Variants in MTDH observed in about 807,000 individuals in gnomAD.
The protein encoded by MTDH is metadherin.
In MTDH, 34 loss-of-function variants were observed where a neutral mutation model predicts 72.7. That is an observed-to-expected ratio of 0.47 (90% CI 0.36 to 0.62). The LOEUF is 0.62. MTDH is among the 20% of genes least tolerant of loss of function. MTDH has a pLI of 0.00. For synonymous variants in MTDH, 266 were observed against 268.9 expected (o/e 0.99, Z 0.10); for missense variants, 677 against 699.4 (o/e 0.97, Z 0.36).
At chr8:97,651,046 A>G (rs1811753023) in intron 1 of MTDH, among the ~76,000 whole-genome samples, 1 of 152,220 alleles carries the variant, frequency 6.6e-6, no homozygotes, top group Non-Finnish European at 1.5e-5. Flanking sequence ...TATGTTATAA[A>G]TAGTACTGGA....
At chr8:97,708,473 G>T (rs1378467855) in intron 8 of MTDH, among the ~76,000 whole-genome samples, 1 of 130,904 alleles carries the variant, frequency 7.6e-6, no homozygotes. Flanking sequence ...GTAGAGACGG[G>T]TTTTTGCCAT....
At chr8:97,656,337 G>A (rs999880621) in intron 1 of MTDH, among the ~76,000 whole-genome samples, 1 of 127,100 alleles carries the variant, frequency 7.9e-6, no homozygotes. Context: ...ACAGAGACTC[G>A]CTCTGTCCCC....
chr8:97,697,150 A>ATATT lies in MTDH; in HGVS notation c.1049-2603_1049-2602insATTT. Among the ~76,000 whole-genome samples the ATATT allele has an allele frequency of 1.3e-4, 9 of 68,838 alleles. 1 individual carries two copies. Among genetic ancestry groups the ATATT allele is most frequent in the African/African-American group, 8.2e-4 (9 of 10,976 alleles). The allele number at this position is 68,838 out of a possible 152,430, so 45.2% of individuals were successfully genotyped here. A position where few individuals can be genotyped will look rare whatever the true frequency, so the allele number is the denominator to read the frequency against. On this transcript the variant is annotated intron_variant, in intron 6 of 11. Transcript: ENST00000336273. ...AAAAAATATATATATATATATATAT[A>ATATT]TTTTTTTTTTGTGGACCCAGTTTAC...
chr8:97,678,554 CCT>C (rs1812942955), intron 2 of MTDH, among the ~76,000 whole-genome samples: 1 of 150,490 alleles, frequency 6.6e-6, no homozygotes, highest in Non-Finnish European at 1.5e-5. Flanking sequence ...CTCCTTTCTC[CCT>C]CTTTCTCTCT....
chr8:97,644,496 CGG>C lies in MTDH; in HGVS notation c.-9_-8del. 1.3e-6 allele frequency: 2 copies of C among 1,565,044 alleles called. No individual in the cohort carries two copies. The highest frequency in any genetic ancestry group is 1.7e-6 in the Non-Finnish European group (2 of 1,163,420). Reference sequence around the variant, plus strand: ...GGCGTCATCCTGCGAGTCCCTCTGACGGGAGGGAAGATGGCTGCACGGAGCTG... The same window carrying C: ...GGCGTCATCCTGCGAGTCCCTCTGACGAGGGAAGATGGCTGCACGGAGCTG... On this transcript the variant is annotated 5_prime_UTR_variant, in exon 1 of 12. Transcript: ENST00000336273.
At chr8:97,705,466 G>T (rs1261927554) in intron 7 of MTDH, among the ~76,000 whole-genome samples, 1 of 152,040 alleles carries the variant, frequency 6.6e-6, no homozygotes, top group East Asian at 1.9e-4. Flanking sequence ...CAGGTGTGGT[G>T]GCGCATGCCT....
At chr8:97,663,542 A>G (rs1171018719) in intron 2 of MTDH, among the ~76,000 whole-genome samples, 1 of 152,004 alleles carries the variant, frequency 6.6e-6, no homozygotes, top group Non-Finnish European at 1.5e-5. Context: ...AGGTCAGGAG[A>G]TCGAGACCAT....
rs543581221 is a variant in MTDH, at chr8:97,705,236, G to A, written c.1148-1390G>A. ...CGCTTGAACCCGGGAGGCGGAGGTT[G>A]CAGTGAGCCGAGATCGTGCCACTGC... On this transcript the variant is annotated intron_variant, in intron 7 of 11. Transcript: ENST00000336273. Among the ~76,000 whole-genome samples the A allele has an allele frequency of 2.7e-5, 4 of 148,426 alleles. No individual in the cohort carries two copies. In the South Asian group the frequency reaches 6.5e-4, roughly 24 times the overall value.
At position 97,687,442 on chromosome 8, in the gene MTDH, T is replaced by G; in HGVS notation, c.582T>G (p.Thr194=). ...GKEVDEGAWE[T]KISHREKRQQ... ...GGGCTATGTCAGGAGCCTGGGAAAC[T>G]AAAATTAGTCACAGAGAGAAACGAC... The change falls in exon 4 of 12, where the codon ACT becomes ACG. Residue 194 remains threonine, a synonymous_variant. Transcript: ENST00000336273. 3 of 1,594,058 alleles carry G rather than the reference T, an allele frequency of 1.9e-6. No individual in the cohort carries two copies. Among genetic ancestry groups the G allele is most frequent in the Non-Finnish European group, 2.6e-6 (3 of 1,170,950 alleles).
In MTDH at chr8:97,724,945, A is replaced by G. The variant is rs1002137334; in HGVS notation, c.*275A>G. 2 of 247,310 alleles carry G rather than the reference A, an allele frequency of 8.1e-6. No individual in the cohort carries two copies. The highest frequency in any genetic ancestry group is 4.6e-5 in the African/African-American group (2 of 43,800). 15.3% of individuals were successfully genotyped at this position (247,310 alleles called of 1,614,324 possible). A position where few individuals can be genotyped will look rare whatever the true frequency, so the allele number is the denominator to read the frequency against. ...AATTTAAGAATATTATCCTGGTTTA[A>G]CAACAGTGCCCTGTTTACAACAGAT... On this transcript the variant is annotated 3_prime_UTR_variant, in exon 12 of 12. Coordinates refer to ENST00000336273, the MANE Select transcript of MTDH (RefSeq NM_178812.4).
intron 1 of MTDH, among the ~76,000 whole-genome samples, chr8:97,647,544 G>A (rs540593969): frequency 2.3e-4 from 35 of 152,168 alleles, no homozygotes; most frequent in African/African-American, 8.2e-4. Context: ...AGGGGGGAAG[G>A]GAGGGCAGTA....
At chr8:97,693,882 A>G (rs1450016293) in intron 6 of MTDH, among the ~76,000 whole-genome samples, 2 of 151,582 alleles carry the variant, frequency 1.3e-5, no homozygotes, top group African/African-American at 4.8e-5. Context: ...CACCTGGCTA[A>G]TTTTGGTATT....
At chr8:97,708,517 A>G (rs1478188081) in intron 8 of MTDH, among the ~76,000 whole-genome samples, 48 of 125,532 alleles carry the variant, frequency 3.8e-4, no homozygotes, top group Non-Finnish European at 7.4e-4. Flanking sequence ...CCTGAGCTCA[A>G]GTGATCCACC....
intron 2 of MTDH, among the ~76,000 whole-genome samples, chr8:97,678,511 G>T (rs1036599210): frequency 6.7e-6 from 1 of 150,296 alleles, no homozygotes; most frequent in Non-Finnish European, 1.5e-5. Context: ...TGATAAAGCT[G>T]AACAACTTTT....
At chr8:97,674,966 A>C (rs1586229175) in intron 2 of MTDH, among the ~76,000 whole-genome samples, 1 of 152,034 alleles carries the variant, frequency 6.6e-6, no homozygotes, top group African/African-American at 2.4e-5. Flanking sequence ...ATGCACCACC[A>C]CACCCGACTA....
chr8:97,659,896 C>T (rs1586209253), intron 1 of MTDH, among the ~76,000 whole-genome samples: 1 of 152,198 alleles, frequency 6.6e-6, no homozygotes, highest in South Asian at 2.1e-4. Context: ...CGGTGGCTCA[C>T]GCCTGTAATC....
chr8:97,679,078 T>G (rs1181992056), intron 2 of MTDH, among the ~76,000 whole-genome samples: 1 of 152,186 alleles, frequency 6.6e-6, no homozygotes, highest in East Asian at 1.9e-4. Context: ...CACGAGTACA[T>G]GGGATCCAAT....
chr8:97,676,995 ACT>A (rs1340261279), intron 2 of MTDH, among the ~76,000 whole-genome samples: 1 of 57,512 alleles, frequency 1.7e-5, no homozygotes, highest in Non-Finnish European at 3.4e-5. Flanking sequence ...ACAGAGTGAG[ACT>A]CTATCTCAAA....
At position 97,726,560 on chromosome 8, in the gene MTDH, C is replaced by G. The variant is rs1213494942; in HGVS notation, c.*1890C>G. 2 of 152,206 alleles carry G rather than the reference C, an allele frequency of 1.3e-5. No homozygotes were observed. Among genetic ancestry groups the G allele is most frequent in the Admixed American group, 6.6e-5 (1 of 15,266 alleles). The allele number at this position is 152,206 out of a possible 1,614,324, so 9.4% of individuals were successfully genotyped here. On this transcript the variant is annotated 3_prime_UTR_variant, in exon 12 of 12. Transcript: ENST00000336273. ...CAACTCTACCTCACCATTTCTTTAT[C>G]TCAAAATTCTGTTGGCTTTGTCAAA...
Sources: allele counts gnomAD v4.1 joint callset (sites outside exome capture counted in the v4.1 genomes callset), GRCh38; gene constraint gnomAD v4.1.1; transcripts MANE v1.5; gene names NCBI Gene and HGNC (gene_info 2026-07-23, HGNC 2026-07-21).